SPNS2: variants seen among roughly 807,000 people sequenced by gnomAD.
SPNS2 encodes SPNS lysolipid transporter 2, sphingosine-1-phosphate.
A neutral mutation model predicts 57.6 loss-of-function variants in SPNS2; 37 were observed. That is an observed-to-expected ratio of 0.64 (90% CI 0.49 to 0.85). The LOEUF is 0.85. Among genes scored for constraint, SPNS2 ranks in the 40% least tolerant of loss-of-function variants. The probability of loss-of-function intolerance (pLI) is 0.00; values close to 1 mark genes in which losing one functional copy is unlikely to be tolerated. For synonymous variants in SPNS2, 440 were observed against 346.9 expected (o/e 1.27, Z -2.98); for missense variants, 831 against 779.1 (o/e 1.07, Z -0.79).
intron 1 of SPNS2, among the ~76,000 whole-genome samples, chr17:4,500,355 GC>G (rs1375147600): frequency 6.6e-6 from 1 of 152,108 alleles, no homozygotes; most frequent in Non-Finnish European, 1.5e-5. Flanking sequence ...TTCTGGAATT[GC>G]CTTCTGCTGG....
Position 4,533,078 on chromosome 17 carries a change from T to C in SPNS2, c.1037T>C (p.Val346Ala), listed in dbSNP as rs1905572443. The change falls in exon 7 of 13, where the codon GTG becomes GCG. Residue 346 changes from valine to alanine, a missense_variant. Physicochemically the swap from Val to Ala is moderately conservative, Grantham distance 64 (BLOSUM62 0). Coordinates refer to ENST00000329078, the MANE Select transcript of SPNS2 (RefSeq NM_001124758.3). ...IPLYLHRAQV[V>A]QKTAETCNSP... ...CTCTACCTGCACCGCGCCCAAGTTG[T>C]GCAGAAGACAGCAGAGACGTGCAAC... The C allele has an allele frequency of 3.1e-6, 5 of 1,613,266 alleles. No homozygotes were observed. The highest frequency in any genetic ancestry group is 4.2e-6 in the Non-Finnish European group (5 of 1,179,904).
intron 12 of SPNS2, 61 bp downstream of exon 12, chr17:4,537,007 G>T (rs947054184): frequency 1.9e-6 from 3 of 1,567,564 alleles, no homozygotes; most frequent in Non-Finnish European, 2.6e-6. Flanking sequence ...CCAGGGTTAG[G>T]CAACAGGGAG....
At chr17:4,529,731 G>A (rs186917208) in intron 3 of SPNS2, among the ~76,000 whole-genome samples, 2 of 152,202 alleles carry the variant, frequency 1.3e-5, no homozygotes, top group African/African-American at 4.8e-5. Flanking sequence ...CAGAAAAACA[G>A]GCCAAGGCTG....
rs200121169 is a variant in SPNS2, at chr17:4,536,410, G to A, written c.1591G>A (p.Ala531Thr). 1,762 of 1,597,606 alleles carry A rather than the reference G, an allele frequency of 1.1e-3. 9 individuals are homozygous for A. In the African/African-American group the frequency reaches 0.012, roughly 11 times the overall value. The change falls in exon 11 of 13, where the codon GCC becomes ACC. Residue 531 changes from alanine (A) to threonine (T), a missense_variant. This residue lies in a region of SPNS2 where 526 missense variants were observed against 400.9 expected (regional missense o/e 1.31). Transcript: ENST00000329078. ...TGCGCTCTTCTTCGTCAGCGACCGC[G>A]CCAGGGCTGAGCAGCAGTGAGTGGG... ...ATALFFVSDR[A>T]RAEQQVNQLA...
At position 4,511,877 on chromosome 17, in the gene SPNS2, C is replaced by T. The variant is rs1199153893; in HGVS notation, c.371-1370C>T. ...ACAGTGACGTTCCAGCCTCCCCACT[C>T]CTTCCACACCCCCAGTCCCAGCTGC... On this transcript the variant is annotated intron_variant, in intron 1 of 12. Coordinates refer to ENST00000329078, the MANE Select transcript of SPNS2 (RefSeq NM_001124758.3). This position sits in a 1 kb window ranked among gnomAD's most constrained non-coding sequence, Gnocchi z 4.6. Among the ~76,000 whole-genome samples, 2 of 152,152 alleles carry T rather than the reference C, an allele frequency of 1.3e-5. No homozygotes were observed. Among genetic ancestry groups the T allele is most frequent in the African/African-American group, 4.8e-5 (2 of 41,438 alleles).
chr17:4,534,115 C>CTG (rs1905640455), intron 9 of SPNS2, among the ~76,000 whole-genome samples: 2 of 152,116 alleles, frequency 1.3e-5, no homozygotes, highest in African/African-American at 4.8e-5. Context: ...AGGTTAGTGG[C>CTG]TGGGAGGCTG....
rs1407547942 is a variant in SPNS2, at chr17:4,512,655, CACGGGTATGTGTGTGCGCGCGT to C, written c.371-591_371-570del. Among the ~76,000 whole-genome samples the C allele has an allele frequency of 6.0e-5, 9 of 149,570 alleles. No homozygotes were observed. Among genetic ancestry groups the C allele is most frequent in the Non-Finnish European group, 8.9e-5 (6 of 67,688 alleles). On this transcript the variant is annotated intron_variant, in intron 1 of 12. Transcript: ENST00000329078. This position sits in a 1 kb window ranked among gnomAD's most constrained non-coding sequence, Gnocchi z 5.2. ...CAGTGTGTGTGTGTGCGTGCGCGCG[CACGGGTATGTGTGTGCGCGCGT>C]GGGTGTGTATGCATGTGTGCAGGTG... is the stretch of plus-strand genomic sequence containing the variant.
At chr17:4,525,680 C>T (rs1330601710) in intron 3 of SPNS2, among the ~76,000 whole-genome samples, 2 of 152,242 alleles carry the variant, frequency 1.3e-5, no homozygotes, top group African/African-American at 4.8e-5. Flanking sequence ...TTAGCTCCCA[C>T]AGGCCTGGGC....
At chr17:4,536,782 C>A in intron 11 of SPNS2, 118 bp from the exon 12 acceptor site, 1 of 823,370 alleles carries the variant, frequency 1.2e-6, no homozygotes, top group Non-Finnish European at 2.1e-6. Flanking sequence ...CTGGGGCTGA[C>A]GAGGTCCCTG....
At chr17:4,509,319 G>T (rs955718247) in intron 1 of SPNS2, among the ~76,000 whole-genome samples, 1 of 152,298 alleles carries the variant, frequency 6.6e-6, no homozygotes, top group South Asian at 2.1e-4. Flanking sequence ...CCACGCCTGT[G>T]GTCCCAGCTA....
rs202191854 is a variant in SPNS2, at chr17:4,532,978, C to T, written c.937C>T (p.Arg313Cys). The change falls in exon 7 of 13, where the codon CGC (arginine) becomes TGC (cysteine). Residue 313 changes from arginine to cysteine, a missense_variant and splice_region_variant. Around this residue, in one of 2 missense-constraint regions of SPNS2, gnomAD observed 526 missense variants for 400.9 expected, o/e 1.31. Transcript: ENST00000329078. Reference sequence around the variant, plus strand: ...TGTCACTGCCTGGCCTCTCCCCAGCCGCAGCTACGTCTTCTCCTCCCTGGC... The same window carrying T: ...TGTCACTGCCTGGCCTCTCCCCAGCTGCAGCTACGTCTTCTCCTCCCTGGC... Reference protein sequence around the residue: ...LRDMKALIRNRSYVFSSLATS... With the variant: ...LRDMKALIRNCSYVFSSLATS... 185 of 1,610,198 alleles carry T rather than the reference C, an allele frequency of 1.1e-4. No homozygotes were observed. The highest frequency in any genetic ancestry group is 2.7e-4 in the Admixed American group (16 of 59,780).
chr17:4,522,919 C>T (rs1440174983), intron 2 of SPNS2, among the ~76,000 whole-genome samples: 4 of 152,226 alleles, frequency 2.6e-5, no homozygotes, highest in Non-Finnish European at 5.9e-5. Flanking sequence ...CAGGTCACGG[C>T]CTTTGTTCGA....
intron 5 of SPNS2, 58 bp from the exon 6 acceptor site, chr17:4,532,484 C>G: frequency 6.2e-7 from 1 of 1,612,962 alleles, no homozygotes; most frequent in Non-Finnish European, 8.5e-7. Flanking sequence ...GTCCCTCCTT[C>G]TGCAGCAGGG....
At chr17:4,504,080 G>C (rs575357667) in intron 1 of SPNS2, among the ~76,000 whole-genome samples, 2 of 152,056 alleles carry the variant, frequency 1.3e-5, no homozygotes, top group East Asian at 3.9e-4. Flanking sequence ...CTGGTGGGTA[G>C]GGGCTAAGCC....
intron 1 of SPNS2, among the ~76,000 whole-genome samples, chr17:4,500,089 C>A (rs1904431877): frequency 6.6e-6 from 1 of 152,188 alleles, no homozygotes; most frequent in Non-Finnish European, 1.5e-5. Context: ...GACGCCTCCC[C>A]CTGCTCTATG....
chr17:4,533,807 AG>A lies in SPNS2; in HGVS notation c.1299del (p.Thr434ArgfsTer52). The A allele has an allele frequency of 6.2e-7, 1 of 1,613,516 alleles. No individual in the cohort carries two copies. Among genetic ancestry groups the A allele is most frequent in the Non-Finnish European group, 8.5e-7 (1 of 1,179,972 alleles). On this transcript the variant is annotated frameshift_variant, in exon 9 of 13. Coordinates refer to ENST00000329078, the MANE Select transcript of SPNS2 (RefSeq NM_001124758.3). LOFTEE classifies it high-confidence loss of function. ...CGGCAGATCTGTATCTTCGTCGGGG[AG>A]ACGCTGCTGTTTTCTAACTGGGCCA... is the stretch of plus-strand genomic sequence containing the variant. Reference protein sequence around the residue: ...VGAYICIFVGETLLFSNWAIT... With the variant: ...VGAYICIFVGXTLLFSNWAIT...
chr17:4,531,969 C>A (rs1000407299), intron 5 of SPNS2, among the ~76,000 whole-genome samples: 2 of 152,054 alleles, frequency 1.3e-5, no homozygotes, highest in Non-Finnish European at 2.9e-5. Context: ...GTCAGTCCAG[C>A]GCTTCATACC....
intron 9 of SPNS2, among the ~76,000 whole-genome samples, chr17:4,534,230 G>C (rs1442298964): frequency 6.6e-6 from 1 of 152,000 alleles, no homozygotes; most frequent in Non-Finnish European, 1.5e-5. Context: ...CTGGCTCCCA[G>C]GCGTGCCTGC....
rs866811391 is a variant in SPNS2 at position 4,510,107 on chromosome 17, C to T, written c.371-3140C>T. ...ACACGCTTCCCGTGCCAGCGGCCAG[C>T]GGGATCTCACCCTCCTGTGGCTGTG... On this transcript the variant is annotated intron_variant, in intron 1 of 12. Transcript: ENST00000329078. This position sits in a 1 kb window ranked among gnomAD's most constrained non-coding sequence, Gnocchi z 4.4. Among the ~76,000 whole-genome samples the T allele has an allele frequency of 2.0e-5, 3 of 152,272 alleles. No homozygotes were observed. Among genetic ancestry groups the T allele is most frequent in the East Asian group, 1.9e-4 (1 of 5,192 alleles).
Sources: gnomAD v4.1 joint callset for allele counts (sites outside exome capture counted in the v4.1 genomes callset) on GRCh38, gnomAD v4.1.1 for gene constraint, gnomAD v4.1.1 regional missense constraint, Gnocchi (gnomAD v3.1) non-coding constraint, MANE v1.5 for transcripts, NCBI Gene and HGNC (gene_info 2026-07-23, HGNC 2026-07-21) for gene names.